Variants in ACSL6 observed in about 807,000 individuals in gnomAD.
ACSL6 encodes the protein acyl-CoA synthetase long chain family member 6.
Under a neutral mutation model 98.2 loss-of-function variants are expected in ACSL6, and 47 were observed. The observed-to-expected ratio is 0.48, with a 90% confidence interval of 0.38 to 0.61. The LOEUF is 0.61. Ranked by LOEUF, ACSL6 falls within the 20% of genes least tolerant of loss-of-function variation. The pLI is 0.00. For missense variants in ACSL6, 761 were observed against 913.4 expected (o/e 0.83, Z 2.15); for synonymous variants, 362 against 336.9 (o/e 1.07, Z -0.82).
intron 20 of ACSL6, 23 bp from the exon 21 acceptor site, chr5:131,954,394 A>G (rs780997920): frequency 5.0e-6 from 8 of 1,608,484 alleles, no homozygotes; most frequent in Non-Finnish European, 6.8e-6. Flanking sequence ...TGCAGAAAAC[A>G]TCTTTAACAG....
At chr5:131,972,336 T>G (rs1039784462) in intron 13 of ACSL6, among the ~76,000 whole-genome samples, 1 of 152,086 alleles carries the variant, frequency 6.6e-6, no homozygotes, top group Non-Finnish European at 1.5e-5. Flanking sequence ...AAGAAGATTT[T>G]GAACCATTTG....
chr5:131,956,790 T>C (rs1184676433), intron 20 of ACSL6, among the ~76,000 whole-genome samples: 1 of 152,038 alleles, frequency 6.6e-6, no homozygotes, highest in African/African-American at 2.4e-5. Context: ...GTGAACTTTT[T>C]AAAAAAAGGT....
chr5:132,010,846 G>A (rs750913934), intron 1 of ACSL6, among the ~76,000 whole-genome samples: 3 of 152,158 alleles, frequency 2.0e-5, no homozygotes, highest in Non-Finnish European at 4.4e-5. Context: ...GGAGGTAAGC[G>A]CGGAGGCGGG....
At chr5:131,966,317 G>T in intron 17 of ACSL6, 99 bp downstream of exon 17, 1 of 1,182,422 alleles carries the variant, frequency 8.5e-7, no homozygotes, top group Non-Finnish European at 1.3e-6. Context: ...ATGACTCATT[G>T]TCAGGGGGGA....
intron 14 of ACSL6, 96 bp downstream of exon 14, chr5:131,971,454 C>T (rs996416085): frequency 2.0e-6 from 2 of 1,020,448 alleles, no homozygotes; most frequent in Non-Finnish European, 1.3e-6. Context: ...AAAATCTTGT[C>T]CCCCGGTTCT....
At chr5:131,997,800 T>G (rs1194663877) in intron 1 of ACSL6, among the ~76,000 whole-genome samples, 1 of 152,234 alleles carries the variant, frequency 6.6e-6, no homozygotes, top group Non-Finnish European at 1.5e-5. Flanking sequence ...AGGCTGGGCC[T>G]GTACCCCACC....
chr5:131,994,629 T>G (rs914852905), intron 1 of ACSL6: 42 of 286,640 alleles, frequency 1.5e-4, no homozygotes, highest in African/African-American at 9.1e-4. Flanking sequence ...GTCATAGCAT[T>G]TTACTTATCT....
chr5:131,961,410 A>T (rs965949287), intron 18 of ACSL6, among the ~76,000 whole-genome samples: 1 of 152,066 alleles, frequency 6.6e-6, no homozygotes, highest in Admixed American at 6.6e-5. Context: ...ATTTGATATC[A>T]GGCAGGGCAT....
At chr5:132,008,389 C>T (rs1195753176) in intron 1 of ACSL6, among the ~76,000 whole-genome samples, 1 of 152,232 alleles carries the variant, frequency 6.6e-6, no homozygotes, top group African/African-American at 2.4e-5. Flanking sequence ...AGACGGGCAA[C>T]TTTGTCTCGC....
chr5:131,966,367 C>T, intron 17 of ACSL6, 49 bp downstream of exon 17: 2 of 1,578,394 alleles, frequency 1.3e-6, no homozygotes, highest in Non-Finnish European at 8.7e-7. Flanking sequence ...GGACCACACA[C>T]CCTCCCACTG....
At chr5:131,966,997 G>C (rs1753047507) in intron 16 of ACSL6, among the ~76,000 whole-genome samples, 2 of 152,090 alleles carry the variant, frequency 1.3e-5, no homozygotes, top group Admixed American at 6.5e-5. Flanking sequence ...GTTTCTGCTG[G>C]GACAGATCAC....
chr5:131,971,756 A>C (rs767724306), intron 13 of ACSL6, 111 bp from the exon 14 acceptor site: 11 of 848,730 alleles, frequency 1.3e-5, no homozygotes, highest in Non-Finnish European at 1.9e-5. Flanking sequence ...CCTGGATGCT[A>C]GGGCTGGGAT....
chr5:131,950,847 A>G lies in ACSL6; in HGVS notation c.*3387T>C, dbSNP rs1426889124. ...ACCTGATTGGAAAAAATTCCAATGG[A>G]AAGTTCTATTTTTTCTCATACTTGT... On this transcript the variant is annotated 3_prime_UTR_variant, in exon 21 of 21. Coordinates refer to ENST00000651883, the MANE Select transcript of ACSL6 (RefSeq NM_001009185.3). 5.3e-6 allele frequency: 1 copy of G among 189,378 alleles called. No homozygotes were observed. The highest frequency in any genetic ancestry group is 1.1e-5 in the Non-Finnish European group (1 of 90,146). 11.7% of individuals were successfully genotyped at this position (189,378 alleles called of 1,614,324 possible).
chr5:131,961,619 C>A (rs1029354531), intron 18 of ACSL6, among the ~76,000 whole-genome samples: 12 of 151,872 alleles, frequency 7.9e-5, no homozygotes, highest in African/African-American at 2.4e-4. Context: ...ATCACTTGAA[C>A]CCTGGGGGTA....
At chr5:132,009,667 C>G (rs968930464) in intron 1 of ACSL6, among the ~76,000 whole-genome samples, 6 of 152,154 alleles carry the variant, frequency 3.9e-5, no homozygotes, top group African/African-American at 1.2e-4. Context: ...TTCTGAGGCC[C>G]TGTATAGTCT....
At chr5:131,975,832 T>C (rs1188213421) in intron 10 of ACSL6, 2 of 985,338 alleles carry the variant, frequency 2.0e-6, no homozygotes, top group East Asian at 1.1e-4. Flanking sequence ...AGGCCTTCAC[T>C]CTCCTGTGCT....
Position 131,967,575 on chromosome 5 carries a change from G to A in ACSL6, c.1596+365C>T, listed in dbSNP as rs866740540. Among the ~76,000 whole-genome samples, 163 of 152,094 alleles carry A rather than the reference G, an allele frequency of 1.1e-3. 1 individual carries two copies. Among genetic ancestry groups the A allele is most frequent in the Middle Eastern group, 0.01 (3 of 292 alleles). ...AGCTACTTGGGAGGCTGAGGCAGGA[G>A]AATGGTGTGAACCTGGGAGGCGGAG... On this transcript the variant is annotated intron_variant, in intron 16 of 20. Transcript: ENST00000651883.
intron 11 of ACSL6, chr5:131,974,685 C>T: frequency 1.3e-6 from 2 of 1,521,092 alleles, no homozygotes; most frequent in Non-Finnish European, 1.8e-6. Flanking sequence ...TTCATGCCAC[C>T]AGTGACAAGT....
At position 131,994,104 on chromosome 5, in the gene ACSL6, G is replaced by C. The variant is rs757503282; in HGVS notation, c.197C>G (p.Ala66Gly). The change falls in exon 2 of 21, where the codon GCC becomes GGC. Residue 66 changes from alanine (A) to glycine (G), a missense_variant. By Grantham distance (60) the Ala-to-Gly change is moderately conservative. Transcript: ENST00000651883. ...CTTTGGCCGGTGAGTGAACCAGTAG[G>C]CAAGGATGGCAGCCAGGGCACCCAT... ...VSMGALAAIL[A>G]YWFTHRPKAL... The C allele has an allele frequency of 6.2e-7, 1 of 1,614,204 alleles. No individual in the cohort carries two copies. The highest frequency in any genetic ancestry group is 1.7e-5 in the Admixed American group (1 of 60,030).
Sources: allele counts gnomAD v4.1 joint callset (sites outside exome capture counted in the v4.1 genomes callset), GRCh38; gene constraint gnomAD v4.1.1; transcripts MANE v1.5; gene names NCBI Gene and HGNC (gene_info 2026-07-23, HGNC 2026-07-21).